COL24A1: variants seen among roughly 807,000 people sequenced by gnomAD.
COL24A1 encodes collagen type XXIV alpha 1 chain.
A neutral mutation model predicts 253.9 loss-of-function variants in COL24A1; 224 were observed. The observed-to-expected ratio is 0.88, with a 90% CI of 0.79 to 0.99. The LOEUF (loss-of-function observed/expected upper bound fraction) is 0.99, where lower values mean the gene tolerates loss of function less well. COL24A1 is among the 50% of genes least tolerant of loss of function. The pLI, the probability that COL24A1 is intolerant of heterozygous loss-of-function variation, is 0.00. For synonymous variants in COL24A1, 685 were observed against 673.7 expected, an observed-to-expected ratio of 1.02 and a Z score of -0.26; for missense variants, 2,131 against 2,068.5, an observed-to-expected ratio of 1.03 and a Z score of -0.59.
At chr1:86,114,247 G>C (rs1198367256) in intron 4 of COL24A1, among the ~76,000 whole-genome samples, 1 of 152,150 alleles carries the variant, frequency 6.6e-6, no homozygotes, top group Non-Finnish European at 1.5e-5. Flanking sequence ...TTCCTTAAGA[G>C]AATGAGAATT....
chr1:85,780,357 C>G (rs1669023328), intron 52 of COL24A1, among the ~76,000 whole-genome samples: 1 of 152,046 alleles, frequency 6.6e-6, no homozygotes, highest in Non-Finnish European at 1.5e-5. Flanking sequence ...AATCTTTCCT[C>G]TCTAAGTCTC....
At chr1:85,957,201 GCAA>G (rs1690554908) in intron 24 of COL24A1, among the ~76,000 whole-genome samples, 1 of 152,136 alleles carries the variant, frequency 6.6e-6, no homozygotes, top group Admixed American at 6.5e-5. Context: ...GGGATGGGGT[GCAA>G]GGGGAGGGAG....
At chr1:85,860,993 T>C (rs1423443091) in intron 37 of COL24A1, among the ~76,000 whole-genome samples, 1 of 152,222 alleles carries the variant, frequency 6.6e-6, no homozygotes, top group Non-Finnish European at 1.5e-5. Context: ...TTTGTTTAAA[T>C]GCAATTCTCT....
intron 19 of COL24A1, among the ~76,000 whole-genome samples, chr1:85,998,697 C>A (rs540809520): frequency 6.6e-6 from 1 of 152,112 alleles, no homozygotes; most frequent in African/African-American, 2.4e-5. Flanking sequence ...GGAAGGAATG[C>A]GTACTGTCCA....
intron 32 of COL24A1, among the ~76,000 whole-genome samples, chr1:85,878,481 C>T (rs1681453047): frequency 6.6e-6 from 1 of 152,200 alleles, no homozygotes; most frequent in South Asian, 2.1e-4. Flanking sequence ...TTATAGCAGA[C>T]ATATTGGTTC....
At chr1:85,983,502 G>C (rs1202198898) in intron 20 of COL24A1, among the ~76,000 whole-genome samples, 2 of 151,854 alleles carry the variant, frequency 1.3e-5, no homozygotes, top group Admixed American at 6.6e-5. Flanking sequence ...CTTTATTGCT[G>C]TGCCAAATTG....
At chr1:85,789,424 T>G (rs185904185) in intron 47 of COL24A1, among the ~76,000 whole-genome samples, 5 of 152,314 alleles carry the variant, frequency 3.3e-5, no homozygotes, top group African/African-American at 1.2e-4. Context: ...CCTGAGACTT[T>G]GCTGAAGTTG....
Position 86,069,374 on chromosome 1 carries a change from G to C in COL24A1, c.1708-5615C>G, listed in dbSNP as rs919399702. ...CCACAGGGAAGGACTCATCTGCCTG[G>C]GGAAATTGCTGGAAAGAGTAGGAAG... is the stretch of plus-strand genomic sequence containing the variant. On this transcript the variant is annotated intron_variant, in intron 7 of 59. Coordinates refer to ENST00000370571, the MANE Select transcript of COL24A1 (RefSeq NM_152890.7). Among the ~76,000 whole-genome samples, 3 of 152,096 alleles carry C rather than the reference G, an allele frequency of 2.0e-5. No homozygotes were observed. The South Asian group carries it at 6.2e-4, about 32-fold the overall frequency.
At chr1:85,989,861 T>C (rs1232825697) in intron 19 of COL24A1, among the ~76,000 whole-genome samples, 1 of 152,216 alleles carries the variant, frequency 6.6e-6, no homozygotes. Flanking sequence ...ACATTTTACT[T>C]GCAAACTTTT....
chr1:85,923,900 C>G (rs1686854551), intron 24 of COL24A1, among the ~76,000 whole-genome samples: 2 of 151,698 alleles, frequency 1.3e-5, no homozygotes, highest in Non-Finnish European at 2.9e-5. Flanking sequence ...TTGAAATGAT[C>G]AAAAAAATTG....
chr1:85,878,798 T>C (rs899194156), intron 32 of COL24A1, among the ~76,000 whole-genome samples: 3 of 152,220 alleles, frequency 2.0e-5, no homozygotes, highest in African/African-American at 4.8e-5. Context: ...TAGTGGTATG[T>C]CATTATTGTT....
intron 22 of COL24A1, among the ~76,000 whole-genome samples, chr1:85,967,457 C>T (rs944145560): frequency 1.3e-5 from 2 of 152,044 alleles, no homozygotes; most frequent in Admixed American, 6.6e-5. Flanking sequence ...ACTGACATTC[C>T]TATTGGGGCT....
At chr1:85,999,537 T>A (rs371417601) in intron 19 of COL24A1, among the ~76,000 whole-genome samples, 2 of 152,042 alleles carry the variant, frequency 1.3e-5, no homozygotes, top group South Asian at 2.1e-4. Flanking sequence ...GTGGGAGGAC[T>A]GCTTGAGCCT....
chr1:85,997,616 C>T (rs183422012), intron 19 of COL24A1, among the ~76,000 whole-genome samples: 1 of 152,046 alleles, frequency 6.6e-6, no homozygotes, highest in Non-Finnish European at 1.5e-5. Context: ...AACCTCATCT[C>T]TACTAAAAAT....
chr1:86,089,091 T>C, intron 7 of COL24A1, 83 bp downstream of exon 7: 9 of 1,114,184 alleles, frequency 8.1e-6, no homozygotes, highest in Non-Finnish European at 1.2e-5. Flanking sequence ...TCCAATTATG[T>C]TTCAGAACAG....
chr1:86,125,777 TA>T lies in COL24A1; in HGVS notation c.558del (p.Phe186LeufsTer20). 1 of 1,612,854 alleles carries T rather than the reference TA, an allele frequency of 6.2e-7. No homozygotes were observed. Among genetic ancestry groups the T allele is most frequent in the Non-Finnish European group, 8.5e-7 (1 of 1,179,588 alleles). On this transcript the variant is annotated frameshift_variant, in exon 3 of 60. Transcript: ENST00000370571. LOFTEE classifies it high-confidence loss of function. ...TGAACTTCTGGAATAGTCTCTGTGC[TA>T]AAATATTTCTTTCCACACTCAACAA... ...SMFVECGKKY[F>X]STETIPEVQT... is the part of the protein sequence containing the mutation.
intron 24 of COL24A1, among the ~76,000 whole-genome samples, chr1:85,923,583 C>A (rs1052687185): frequency 2.6e-5 from 4 of 152,068 alleles, no homozygotes; most frequent in Non-Finnish European, 5.9e-5. Flanking sequence ...GGGCAAACAA[C>A]AAAATGAAAG....
At chr1:86,035,828 T>G (rs1031056846) in intron 12 of COL24A1, among the ~76,000 whole-genome samples, 1 of 152,134 alleles carries the variant, frequency 6.6e-6, no homozygotes, top group Admixed American at 6.6e-5. Context: ...GAGAATGTGC[T>G]GTTCTCCCAA....
intron 2 of COL24A1, among the ~76,000 whole-genome samples, chr1:86,136,944 A>C (rs375842596): frequency 1.3e-5 from 2 of 152,014 alleles, no homozygotes; most frequent in East Asian, 3.9e-4. Flanking sequence ...ATTAAAGAAC[A>C]CTTAAGGGTA....
Sources: gnomAD v4.1 joint callset for allele counts (sites outside exome capture counted in the v4.1 genomes callset) on GRCh38, gnomAD v4.1.1 for gene constraint, MANE v1.5 for transcripts, NCBI Gene and HGNC (gene_info 2026-07-23, HGNC 2026-07-21) for gene names.